The following TCP11L1 variants were observed in gnomAD, a reference collection of about 807,000 sequenced individuals.
TCP11L1 encodes the protein T-complex protein 11-like protein 1.
Under a neutral mutation model 48.9 loss-of-function variants are expected in TCP11L1, and 28 were observed. That is an observed-to-expected ratio of 0.57 (90% confidence interval 0.42 to 0.78). The LOEUF (loss-of-function observed/expected upper bound fraction) is 0.78, where lower values mean the gene tolerates loss of function less well. Ranked by LOEUF, TCP11L1 falls within the 30% of genes least tolerant of loss-of-function variation. The pLI is 0.00. For missense variants in TCP11L1, 505 were observed against 613.4 expected (o/e 0.82, Z 1.87); for synonymous variants, 204 against 231.9 (o/e 0.88, Z 1.09).
intron 5 of TCP11L1, 44 bp downstream of exon 5, chr11:33,058,183 A>G: frequency 2.0e-6 from 3 of 1,501,510 alleles, no homozygotes; most frequent in Non-Finnish European, 1.8e-6. Flanking sequence ...TACAATTCAG[A>G]GGCATTTTCT....
chr11:33,072,686 A>G lies in TCP11L1; in HGVS notation c.*10A>G, dbSNP rs112726317. ...CCTCGTCCGATCCTAACGTGTATGCACCCTACAGCAGCAGTATTACTCACT... is the reference window on the plus strand; with the variant it reads ...CCTCGTCCGATCCTAACGTGTATGCGCCCTACAGCAGCAGTATTACTCACT... On this transcript the variant is annotated 3_prime_UTR_variant, in exon 10 of 10. Coordinates refer to ENST00000334274, the MANE Select transcript of TCP11L1 (RefSeq NM_018393.4). 6.2e-6 allele frequency: 10 copies of G among 1,613,924 alleles called. No individual in the cohort carries two copies. The highest frequency in any genetic ancestry group is 8.5e-6 in the Non-Finnish European group (10 of 1,179,932).
At chr11:33,041,027 T>C (rs1853816376) in intron 1 of TCP11L1, 1 of 152,202 alleles carries the variant, frequency 6.6e-6, no homozygotes, top group Non-Finnish European at 1.5e-5. Context: ...ACGCTTTGAA[T>C]TGAATTTAAG....
intron 1 of TCP11L1, among the ~76,000 whole-genome samples, chr11:33,042,009 A>G (rs936377331): frequency 6.6e-6 from 1 of 152,228 alleles, no homozygotes; most frequent in African/African-American, 2.4e-5. Flanking sequence ...TGATGTTACA[A>G]ATGTTAATTA....
At chr11:33,065,369 T>C (rs1230895127) in intron 7 of TCP11L1, among the ~76,000 whole-genome samples, 2 of 152,152 alleles carry the variant, frequency 1.3e-5, no homozygotes, top group African/African-American at 4.8e-5. Context: ...GTTCAAGAGA[T>C]TCTCCTGCCT....
chr11:33,049,540 C>G (rs934018936), intron 2 of TCP11L1, among the ~76,000 whole-genome samples: 7 of 151,894 alleles, frequency 4.6e-5, no homozygotes, highest in Non-Finnish European at 1.0e-4. Context: ...TGTGGCAGGA[C>G]AATAGTGTAA....
chr11:33,055,244 G>C (rs2133715395), intron 3 of TCP11L1, among the ~76,000 whole-genome samples: 1 of 152,316 alleles, frequency 6.6e-6, no homozygotes, highest in East Asian at 1.9e-4. Flanking sequence ...GTTTGTTTTA[G>C]AATCAAGGAA....
chr11:33,056,344 C>G (rs1854308700), intron 3 of TCP11L1, among the ~76,000 whole-genome samples: 1 of 152,188 alleles, frequency 6.6e-6, no homozygotes, highest in Admixed American at 6.5e-5. Context: ...CTCCTGACCT[C>G]AGGTGATCCT....
chr11:33,061,440 C>G (rs927531525), intron 6 of TCP11L1, 90 bp from the exon 7 acceptor site: 1 of 1,279,348 alleles, frequency 7.8e-7, no homozygotes, highest in Non-Finnish European at 1.1e-6. Flanking sequence ...TACTTTATCA[C>G]TCCACCAGGA....
In TCP11L1 at chr11:33,072,735, C is replaced by G; in HGVS notation, c.*59C>G. The stretch of plus-strand genomic sequence containing the variant: ...CTAGCCACAGAATACCTGTTCTGTA[C>G]TCTAATGTTGCATTGGAAAATGGCT... On this transcript the variant is annotated 3_prime_UTR_variant, in exon 10 of 10. Coordinates refer to ENST00000334274, the MANE Select transcript of TCP11L1 (RefSeq NM_018393.4). The G allele has an allele frequency of 6.4e-7, 1 of 1,570,612 alleles. No homozygotes were observed. The highest frequency in any genetic ancestry group is 8.8e-7 in the Non-Finnish European group (1 of 1,142,262).
At chr11:33,049,408 A>G (rs1431716969) in intron 2 of TCP11L1, among the ~76,000 whole-genome samples, 1 of 152,166 alleles carries the variant, frequency 6.6e-6, no homozygotes, top group East Asian at 1.9e-4. Flanking sequence ...GAGACTGAGA[A>G]AAGAAATAAG....
intron 3 of TCP11L1, 148 bp downstream of exon 3, chr11:33,054,873 C>T: frequency 1.9e-6 from 2 of 1,051,892 alleles, no homozygotes; most frequent in Non-Finnish European, 2.7e-6. Flanking sequence ...AAGGAACAAC[C>T]TAAAAATCAA....
chr11:33,066,268 G>A (rs1241021176), intron 8 of TCP11L1, among the ~76,000 whole-genome samples: 3 of 152,204 alleles, frequency 2.0e-5, no homozygotes, highest in African/African-American at 4.8e-5. Flanking sequence ...GTGACTAGCC[G>A]AGTAGCCTGT....
In TCP11L1 at chr11:33,065,772, C is replaced by T. The variant is rs111861454; in HGVS notation, c.973-58C>T. 1.0e-3 allele frequency: 1,577 copies of T among 1,572,236 alleles called. 10 individuals are homozygous for T. In the African/African-American group the frequency reaches 0.019, roughly 19 times the overall value. On this transcript the variant is annotated intron_variant, in intron 7 of 9. Coordinates refer to ENST00000334274, the MANE Select transcript of TCP11L1 (RefSeq NM_018393.4). ...AGGTGTGGGGGCTGTGGCGCTCCCG[C>T]CCTCTGCTGGCCAACCTGGACCTGC...
chr11:33,064,280 G>C (rs1414395849), intron 7 of TCP11L1, among the ~76,000 whole-genome samples: 1 of 152,212 alleles, frequency 6.6e-6, no homozygotes, highest in Non-Finnish European at 1.5e-5. Context: ...AAGCCACAAA[G>C]CCATGTGAAG....
chr11:33,072,955 C>T lies in TCP11L1; in HGVS notation c.*279C>T. On this transcript the variant is annotated 3_prime_UTR_variant, in exon 10 of 10. Transcript: ENST00000334274. ...ACTCAGCTGTTGTCTCCACTCCTCC[C>T]CCATCATGTCCTTCCAAGGAGGCTG... is the stretch of plus-strand genomic sequence containing the variant. 2.4e-6 allele frequency: 1 copy of T among 410,542 alleles called. No homozygotes were observed. The highest frequency in any genetic ancestry group is 4.5e-6 in the Non-Finnish European group (1 of 221,124). 25.4% of individuals were successfully genotyped at this position (410,542 alleles called of 1,614,324 possible).
At chr11:33,044,371 G>A (rs1321926485) in intron 2 of TCP11L1, among the ~76,000 whole-genome samples, 1 of 152,212 alleles carries the variant, frequency 6.6e-6, no homozygotes, top group African/African-American at 2.4e-5. Flanking sequence ...ACAAGCTTGA[G>A]GGGATTCAGT....
At chr11:33,065,315 G>A (rs1003803685) in intron 7 of TCP11L1, among the ~76,000 whole-genome samples, 2 of 152,016 alleles carry the variant, frequency 1.3e-5, no homozygotes, top group African/African-American at 2.4e-5. Context: ...CCAGGCTGAA[G>A]TACCAAGGTG....
chr11:33,054,800 GAT>G (rs1481588441), intron 3 of TCP11L1, 75 bp downstream of exon 3: 5 of 1,492,512 alleles, frequency 3.4e-6, no homozygotes, highest in Non-Finnish European at 4.5e-6. Flanking sequence ...TCCTTCAGTT[GAT>G]ACCAATATAT....
At chr11:33,046,514 GTT>G (rs1455908655) in intron 2 of TCP11L1, among the ~76,000 whole-genome samples, 14 of 53,498 alleles carry the variant, frequency 2.6e-4, no homozygotes, top group African/African-American at 1.2e-3. Context: ...ATCAACATTT[GTT>G]TGTATATGCA....
Sources: gnomAD v4.1 joint callset for allele counts (sites outside exome capture counted in the v4.1 genomes callset) on GRCh38, gnomAD v4.1.1 for gene constraint, MANE v1.5 for transcripts, NCBI Gene and HGNC (gene_info 2026-07-23, HGNC 2026-07-21) for gene names.